The following DMC1 variants were observed in gnomAD, a reference collection of about 807,000 sequenced individuals.
DMC1 encodes the protein meiotic recombination protein DMC1 homolog.
A neutral mutation model predicts 50.1 loss-of-function variants in DMC1; 27 were observed. The observed-to-expected ratio is 0.54, with a 90% CI of 0.40 to 0.74. The LOEUF (loss-of-function observed/expected upper bound fraction) is 0.74, where lower values mean the gene tolerates loss of function less well. DMC1 is among the 30% of genes least tolerant of loss of function. The pLI is 0.00. For missense variants in DMC1, 295 were observed against 420.2 expected (o/e 0.70, Z 2.60); for synonymous variants, 148 against 136.1 (o/e 1.09, Z -0.61).
At chr22:38,526,391 G>C (rs1383407496) in intron 12 of DMC1, among the ~76,000 whole-genome samples, 1 of 151,780 alleles carries the variant, frequency 6.6e-6, no homozygotes, top group South Asian at 2.1e-4. Flanking sequence ...TGTATTTTTA[G>C]TAGAGACGGG....
intron 1 of DMC1, among the ~76,000 whole-genome samples, chr22:38,569,556 T>C (rs2090617295): frequency 6.6e-6 from 1 of 152,188 alleles, no homozygotes. Context: ...CCACATTTAC[T>C]GTCCCCATCG....
chr22:38,520,979 G>A (rs900380911), intron 13 of DMC1, among the ~76,000 whole-genome samples: 3 of 151,138 alleles, frequency 2.0e-5, no homozygotes, highest in African/African-American at 4.9e-5. Flanking sequence ...CAGGTGATCC[G>A]CCCACCTCGG....
chr22:38,564,692 T>C (rs1406862459), intron 4 of DMC1, among the ~76,000 whole-genome samples: 2 of 152,224 alleles, frequency 1.3e-5, no homozygotes, highest in Non-Finnish European at 2.9e-5. Context: ...GGTGCAGTAG[T>C]GGGTGCTTGA....
intron 6 of DMC1, 118 bp downstream of exon 6, chr22:38,555,239 C>T (rs2090457266): frequency 4.2e-6 from 3 of 711,292 alleles, no homozygotes; most frequent in Non-Finnish European, 7.2e-6. Context: ...TTGTAAGTTC[C>T]AAAATACTTA....
chr22:38,555,513 T>C lies in DMC1; in HGVS notation c.327-104A>G, dbSNP rs116650624. 1.0e-3 allele frequency: 784 copies of C among 747,564 alleles called. 5 individuals carry two copies. The African/African-American group carries it at 0.012, about 12-fold the overall frequency. The allele number at this position is 747,564 out of a possible 1,614,324, so 46.3% of individuals were successfully genotyped here. ...TATCCTTCCTATCTATGTATCTATC[T>C]ATCTATTCTATCATCTACCTATCTA... On this transcript the variant is annotated intron_variant, in intron 5 of 13. Coordinates refer to ENST00000216024, the MANE Select transcript of DMC1 (RefSeq NM_007068.4).
chr22:38,542,084 C>G (rs1173463353), intron 8 of DMC1, among the ~76,000 whole-genome samples: 1 of 146,976 alleles, frequency 6.8e-6, no homozygotes, highest in Non-Finnish European at 1.5e-5. Context: ...CCATACACAA[C>G]AGACCCACAG....
intron 12 of DMC1, among the ~76,000 whole-genome samples, chr22:38,526,751 G>C (rs2090096155): frequency 6.6e-6 from 1 of 151,754 alleles, no homozygotes; most frequent in Non-Finnish European, 1.5e-5. Flanking sequence ...TTTTCCCTTT[G>C]CTTGGATTCC....
intron 8 of DMC1, 35 bp downstream of exon 8, chr22:38,549,890 A>G (rs2090384614): frequency 2.7e-6 from 4 of 1,482,086 alleles, no homozygotes; most frequent in Non-Finnish European, 3.8e-6. Flanking sequence ...CCTATATCAC[A>G]CTATTATGTT....
At chr22:38,535,533 C>T (rs1216859723) in intron 12 of DMC1, among the ~76,000 whole-genome samples, 2 of 151,932 alleles carry the variant, frequency 1.3e-5, no homozygotes, top group African/African-American at 4.8e-5. Context: ...AATGCAGTGG[C>T]ATGAATTCAT....
intron 9 of DMC1, 54 bp from the exon 10 acceptor site, chr22:38,538,666 A>T: frequency 6.9e-7 from 1 of 1,443,216 alleles, no homozygotes; most frequent in South Asian, 1.1e-5. Context: ...AGCAGAGGCT[A>T]AGATCATTCA....
intron 5 of DMC1, among the ~76,000 whole-genome samples, chr22:38,556,779 C>T (rs2090472924): frequency 6.6e-6 from 1 of 152,006 alleles, no homozygotes; most frequent in Non-Finnish European, 1.5e-5. Context: ...ACAGGTCAGA[C>T]AAAAATTTAA....
At chr22:38,563,842 G>A (rs2090554151) in intron 4 of DMC1, among the ~76,000 whole-genome samples, 1 of 152,064 alleles carries the variant, frequency 6.6e-6, no homozygotes, top group Admixed American at 6.5e-5. Context: ...TGGGACTACA[G>A]GCGCCTGCCA....
chr22:38,536,886 T>C (rs1445126932), intron 12 of DMC1, among the ~76,000 whole-genome samples: 4 of 152,226 alleles, frequency 2.6e-5, no homozygotes, highest in Non-Finnish European at 5.9e-5. Flanking sequence ...GTTTTGCTCT[T>C]GTTGCACAAG....
intron 11 of DMC1, 42 bp downstream of exon 11, chr22:38,538,253 G>A (rs557897016): frequency 6.6e-7 from 1 of 1,521,504 alleles, no homozygotes; most frequent in South Asian, 1.1e-5. Context: ...AAGTATACTT[G>A]ACAAACATAG....
intron 8 of DMC1, chr22:38,545,896 A>G (rs2090338706): frequency 6.6e-6 from 1 of 152,230 alleles, no homozygotes; most frequent in Admixed American, 6.5e-5. Context: ...AGGTAAATTT[A>G]AAACATAATT....
chr22:38,537,919 C>A (rs1364080585), intron 11 of DMC1, among the ~76,000 whole-genome samples: 1 of 151,974 alleles, frequency 6.6e-6, no homozygotes, highest in Non-Finnish European at 1.5e-5. Context: ...CTGAGGCGGA[C>A]AGATCACGAG....
At chr22:38,514,734 T>C (rs778605082), downstream of DMC1, among the ~76,000 whole-genome samples, 2 of 152,166 alleles carry the variant, frequency 1.3e-5, no homozygotes, top group Non-Finnish European at 2.9e-5. Flanking sequence ...ACCAGCGCCA[T>C]GACAGTTTAC....
At chr22:38,523,087 TA>T (rs2090047158) in intron 12 of DMC1, among the ~76,000 whole-genome samples, 1 of 152,112 alleles carries the variant, frequency 6.6e-6, no homozygotes, top group East Asian at 1.9e-4. Context: ...AAAACATTTT[TA>T]AAAAAATGTT....
chr22:38,557,616 G>A (rs2090481000), intron 5 of DMC1, among the ~76,000 whole-genome samples: 2 of 152,118 alleles, frequency 1.3e-5, no homozygotes, highest in African/African-American at 4.8e-5. Flanking sequence ...AGTGAGCCGT[G>A]ATGGAGCCAC....
Sources: allele counts gnomAD v4.1 joint callset (sites outside exome capture counted in the v4.1 genomes callset), GRCh38; gene constraint gnomAD v4.1.1; transcripts MANE v1.5; gene names NCBI Gene and HGNC (gene_info 2026-07-23, HGNC 2026-07-21).